Variants in GLS observed in about 807,000 individuals in gnomAD.
GLS encodes glutaminase kidney isoform, mitochondrial.
GLS carries 36 observed loss-of-function variants against 86.7 expected under a neutral mutation model. The observed-to-expected ratio is 0.42, with a 90% CI of 0.32 to 0.55. The LOEUF (loss-of-function observed/expected upper bound fraction) is 0.55, where lower values mean the gene tolerates loss of function less well. Among genes scored for constraint, GLS ranks in the 20% least tolerant of loss-of-function variants. The pLI is 0.17. For synonymous variants in GLS, 317 were observed against 305.9 expected (o/e 1.04, Z -0.38); for missense variants, 528 against 833.4 (o/e 0.63, Z 4.51).
intron 1 of GLS, among the ~76,000 whole-genome samples, chr2:190,883,015 T>G (rs951159940): frequency 2.6e-5 from 4 of 152,238 alleles, no homozygotes; most frequent in Admixed American, 2.6e-4. Context: ...AAGTTCATCT[T>G]AAAGGCTACA....
intron 1 of GLS, among the ~76,000 whole-genome samples, chr2:190,883,095 CT>C (rs945804744): frequency 6.6e-6 from 1 of 152,066 alleles, no homozygotes; most frequent in East Asian, 1.9e-4. Flanking sequence ...TAGTGCCTCT[CT>C]TTTTTTTCCT....
At chr2:190,904,065 C>T (rs927970697) in intron 5 of GLS, among the ~76,000 whole-genome samples, 3 of 151,642 alleles carry the variant, frequency 2.0e-5, no homozygotes, top group Non-Finnish European at 4.4e-5. Context: ...TTTCTTTTTG[C>T]TCTGTTATTT....
At position 190,914,480 on chromosome 2, in the gene GLS, G is replaced by A. The variant is rs1689459844; in HGVS notation, c.1038+4159G>A. 1.3e-5 allele frequency among the ~76,000 whole-genome samples: 2 copies of A among 148,882 alleles called. No homozygotes were observed. The highest frequency in any genetic ancestry group is 1.3e-4 in the Admixed American group (2 of 14,914). ...GAGCATTTATTGTCAACTGAAAATT[G>A]TTCTGTTACTTTATTTTTAGGGTTG... On this transcript the variant is annotated intron_variant, in intron 7 of 17. Transcript: ENST00000320717. The surrounding 1 kb of genome is among the most constrained non-coding windows in gnomAD (Gnocchi z 4.4).
chr2:190,928,432 TC>T (rs1186978366), intron 12 of GLS, among the ~76,000 whole-genome samples: 3 of 151,784 alleles, frequency 2.0e-5, no homozygotes, highest in Non-Finnish European at 4.4e-5. Context: ...CCTCCTGAGT[TC>T]CAGCGATTCT....
In GLS at chr2:190,963,132, G is replaced by A. The variant is rs991692494; in HGVS notation, c.*146G>A. On this transcript the variant is annotated 3_prime_UTR_variant, in exon 18 of 18. Transcript: ENST00000320717. ...TGGAGTTTTCTTCATTGTGCACACA[G>A]GACAAATCTGATCTCTTTGGGAAAA... The A allele has an allele frequency of 3.6e-6, 2 of 555,846 alleles. No homozygotes were observed. Among genetic ancestry groups the A allele is most frequent in the African/African-American group, 1.9e-5 (1 of 51,804 alleles). The allele number at this position is 555,846 out of a possible 1,614,324, so 34.4% of individuals were successfully genotyped here. A position where few individuals can be genotyped will look rare whatever the true frequency, so the allele number is the denominator to read the frequency against.
At chr2:190,909,541 G>A (rs779236560) in intron 6 of GLS, among the ~76,000 whole-genome samples, 4 of 152,042 alleles carry the variant, frequency 2.6e-5, no homozygotes, top group Non-Finnish European at 5.9e-5. Flanking sequence ...GTAAATAGAT[G>A]TTTTCACTGT....
intron 7 of GLS, among the ~76,000 whole-genome samples, chr2:190,918,554 G>A (rs1328563915): frequency 2.0e-5 from 3 of 151,920 alleles, no homozygotes; most frequent in African/African-American, 7.3e-5. Flanking sequence ...TACCGGTTAT[G>A]CTGTTTTGTT....
chr2:190,889,738 C>T (rs558328586), intron 1 of GLS, among the ~76,000 whole-genome samples: 261 of 152,176 alleles, frequency 1.7e-3, no homozygotes, highest in African/African-American at 6.0e-3. Context: ...GTTGTGCAAA[C>T]GTATGGACAA....
rs1445081648 is a variant in GLS, at chr2:190,964,753, C to T, written c.*1767C>T. 1 of 152,112 alleles carries T rather than the reference C, an allele frequency of 6.6e-6. No individual in the cohort carries two copies. The highest frequency in any genetic ancestry group is 1.5e-5 in the Non-Finnish European group (1 of 68,014). The allele number at this position is 152,112 out of a possible 1,614,324, so 9.4% of individuals were successfully genotyped here. On this transcript the variant is annotated 3_prime_UTR_variant, in exon 18 of 18. Coordinates refer to ENST00000320717, the MANE Select transcript of GLS (RefSeq NM_014905.5). The surrounding 1 kb of genome is among the most constrained non-coding windows in gnomAD (Gnocchi z 5.2). ...GATGCTGCACAGGAGCAGCATTATC[C>T]CCAAAGATATTACAGGGTAGACACG...
intron 14 of GLS, chr2:190,932,646 C>T: frequency 7.6e-6 from 9 of 1,188,934 alleles, no homozygotes; most frequent in Non-Finnish European, 9.9e-6. Flanking sequence ...TTGAAAAATA[C>T]CATTTTATAG....
In GLS at chr2:190,881,481, C is replaced by G. The variant is rs1482776539; in HGVS notation, c.386+11C>G. 1.3e-5 allele frequency: 20 copies of G among 1,536,852 alleles called. No homozygotes were observed. The highest frequency in any genetic ancestry group is 1.8e-5 in the Non-Finnish European group (20 of 1,140,714). The stretch of plus-strand genomic sequence containing the variant: ...GGCCTCAGGTGAAAAGTGAGTGTCT[C>G]CGCGAGGCGCAGGAGGCCTCGTTCC... On this transcript the variant is annotated intron_variant, in intron 1 of 17. Coordinates refer to ENST00000320717, the MANE Select transcript of GLS (RefSeq NM_014905.5).
At chr2:190,890,517 G>A (rs574061642) in intron 1 of GLS, among the ~76,000 whole-genome samples, 64 of 152,240 alleles carry the variant, frequency 4.2e-4, no homozygotes, top group African/African-American at 1.4e-3. Context: ...AAAATCACTT[G>A]GATGATAACT....
At chr2:190,906,289 C>T (rs1343664887) in intron 6 of GLS, among the ~76,000 whole-genome samples, 1 of 151,790 alleles carries the variant, frequency 6.6e-6, no homozygotes, top group Non-Finnish European at 1.5e-5. Flanking sequence ...CCATGAACAG[C>T]AAAGGAGAAT....
Position 190,920,684 on chromosome 2 carries a change from A to G in GLS, c.1039-340A>G, listed in dbSNP as rs890423675. 4.0e-5 allele frequency among the ~76,000 whole-genome samples: 6 copies of G among 151,764 alleles called. No individual in the cohort carries two copies. The highest frequency in any genetic ancestry group is 5.9e-5 in the Non-Finnish European group (4 of 67,724). On this transcript the variant is annotated intron_variant, in intron 7 of 17. Transcript: ENST00000320717. The surrounding 1 kb of genome is among the most constrained non-coding windows in gnomAD (Gnocchi z 4.2). ...CTTTATTTTAAGTTTTTTTAAATAT[A>G]AGATTAAATAAATAACACATTTTAG...
chr2:190,921,089 A>G lies in GLS; in HGVS notation c.1071+33A>G, dbSNP rs73979303. 2.5e-6 allele frequency: 4 copies of G among 1,581,454 alleles called. No individual in the cohort carries two copies. The South Asian group carries it at 4.4e-5, about 18-fold the overall frequency. On this transcript the variant is annotated intron_variant, in intron 8 of 17. Transcript: ENST00000320717. This position sits in a 1 kb window ranked among gnomAD's most constrained non-coding sequence, Gnocchi z 4.2. The stretch of plus-strand genomic sequence containing the variant: ...CAACATGTCATTCAGTTTTCATGCC[A>G]CATTCTCTATATATTTGTTTTTTGA...
Position 190,910,350 on chromosome 2 carries a change from A to G in GLS, c.1038+29A>G, listed in dbSNP as rs760066343. On this transcript the variant is annotated intron_variant, in intron 7 of 17. Transcript: ENST00000320717. ...AAATGTTGATGTTTCATTTTAACCTAGTAAAACTTTTTTTTTTTAACAGCT... is the reference window on the plus strand; with the variant it reads ...AAATGTTGATGTTTCATTTTAACCTGGTAAAACTTTTTTTTTTTAACAGCT... 12 of 1,322,918 alleles carry G rather than the reference A, an allele frequency of 9.1e-6. No homozygotes were observed. In the East Asian group the frequency reaches 2.6e-4, roughly 28 times the overall value. The allele number at this position is 1,322,918 out of a possible 1,614,324, so 81.9% of individuals were successfully genotyped here. A position where few individuals can be genotyped will look rare whatever the true frequency, so the allele number is the denominator to read the frequency against.
chr2:190,925,174 A>G (rs1306100422), intron 11 of GLS, among the ~76,000 whole-genome samples: 1 of 151,982 alleles, frequency 6.6e-6, no homozygotes, highest in Non-Finnish European at 1.5e-5. Context: ...TGGGCTCTAA[A>G]TTTTTCGTAG....
In GLS at chr2:190,939,128, AC is replaced by A. The variant is rs563337438; in HGVS notation, c.1650+7492del. Among the ~76,000 whole-genome samples, 251 of 151,722 alleles carry A rather than the reference AC, an allele frequency of 1.7e-3. 2 individuals are homozygous for A. Among genetic ancestry groups the A allele is most frequent in the South Asian group, 0.014 (69 of 4,820 alleles). On this transcript the variant is annotated intron_variant, in intron 14 of 17. Transcript: ENST00000320717. ...TGGAAAACATGCAAAATATCTAGCT[AC>A]TTCCCTTGTTTATTTTAGACATTTG...
chr2:190,894,035 A>C (rs1489014458), intron 1 of GLS, among the ~76,000 whole-genome samples: 1 of 152,204 alleles, frequency 6.6e-6, no homozygotes, highest in East Asian at 1.9e-4. Flanking sequence ...TTGGTTAATC[A>C]TAGCATTTTA....
Sources: gnomAD v4.1 joint callset for allele counts (sites outside exome capture counted in the v4.1 genomes callset) on GRCh38, gnomAD v4.1.1 for gene constraint, Gnocchi (gnomAD v3.1) non-coding constraint, MANE v1.5 for transcripts, NCBI Gene and HGNC (gene_info 2026-07-23, HGNC 2026-07-21) for gene names.